ASXL3: variants seen among roughly 807,000 people sequenced by gnomAD.
ASXL3 encodes the protein ASXL transcriptional regulator 3.
Under a neutral mutation model 170.6 loss-of-function variants are expected in ASXL3, and 34 were observed. That is an observed-to-expected ratio of 0.20 (90% CI 0.15 to 0.27). The LOEUF (loss-of-function observed/expected upper bound fraction) is 0.27, where lower values mean the gene tolerates loss of function less well. ASXL3 is among the 10% of genes least tolerant of loss of function. The pLI is 1.00. For synonymous variants in ASXL3, 1,002 were observed against 989.1 expected (o/e 1.01, Z -0.24); for missense variants, 2,592 against 2,695.3 (o/e 0.96, Z 0.85).
In ASXL3 at chr18:33,739,828, C is replaced by G. The variant is rs572374272; in HGVS notation, c.2424C>G (p.Pro808=). The G allele has an allele frequency of 3.7e-6, 6 of 1,613,876 alleles. No individual in the cohort carries two copies. The highest frequency in any genetic ancestry group is 2.2e-5 in the East Asian group (1 of 44,872). ...AGCAGAAGAATCTGTCTAATACTCC[C>G]GAACCCATCATAATGAGTTCTTCTT... The part of the protein sequence containing the change: ...TSQQKNLSNT[P]EPIIMSSSSI... The change falls in exon 11 of 12, where the codon CCC becomes CCG. Residue 808 remains proline, a synonymous_variant. Coordinates refer to ENST00000269197, the MANE Select transcript of ASXL3 (RefSeq NM_030632.3).
intron 8 of ASXL3, among the ~76,000 whole-genome samples, chr18:33,721,933 T>C (rs1288437203): frequency 1.3e-5 from 2 of 152,026 alleles, no homozygotes; most frequent in Non-Finnish European, 2.9e-5. Context: ...TTTCAAGCAT[T>C]TTTATTATAA....
chr18:33,710,610 C>G (rs934178370), intron 8 of ASXL3, among the ~76,000 whole-genome samples: 1 of 152,154 alleles, frequency 6.6e-6, no homozygotes, highest in Non-Finnish European at 1.5e-5. Flanking sequence ...TTTCTAGGCA[C>G]TCTTAAATAG....
intron 7 of ASXL3, among the ~76,000 whole-genome samples, chr18:33,682,627 AC>A (rs746996286): frequency 4.6e-5 from 7 of 151,882 alleles, no homozygotes; most frequent in Non-Finnish European, 8.8e-5. Context: ...GGCTCGCTGC[AC>A]CCCTACCTCC....
intron 5 of ASXL3, among the ~76,000 whole-genome samples, chr18:33,662,991 A>G (rs1207878235): frequency 6.6e-6 from 1 of 152,126 alleles, no homozygotes; most frequent in Non-Finnish European, 1.5e-5. Context: ...ATTTCATATT[A>G]TTGACATTGC....
chr18:33,633,634 G>T, intron 2 of ASXL3, among the ~76,000 whole-genome samples: 1 of 151,964 alleles, frequency 6.6e-6, no homozygotes, highest in East Asian at 1.9e-4. Flanking sequence ...ATGAGGTCGG[G>T]AGATTGAGAC....
chr18:33,580,621 C>G (rs2064983870), intron 1 of ASXL3, among the ~76,000 whole-genome samples: 1 of 152,100 alleles, frequency 6.6e-6, no homozygotes, highest in South Asian at 2.1e-4. Flanking sequence ...CTTGAAGGTA[C>G]TGTGTTTTAT....
intron 7 of ASXL3, among the ~76,000 whole-genome samples, chr18:33,674,148 A>C (rs1192027672): frequency 6.6e-6 from 1 of 152,202 alleles, no homozygotes; most frequent in Non-Finnish European, 1.5e-5. Context: ...AGTGATACAA[A>C]CCAAGGCATA....
chr18:33,740,792 A>G (rs1009892383), intron 11 of ASXL3, among the ~76,000 whole-genome samples: 1 of 152,194 alleles, frequency 6.6e-6, no homozygotes, highest in South Asian at 2.1e-4. Context: ...TTAGTTTTCT[A>G]TAAAAGTTCT....
chr18:33,656,853 AT>A (rs2066092652), intron 4 of ASXL3, among the ~76,000 whole-genome samples: 1 of 152,156 alleles, frequency 6.6e-6, no homozygotes, highest in African/African-American at 2.4e-5. Flanking sequence ...TTCATAAAAA[AT>A]AGCTTTGCTG....
chr18:33,723,085 G>A (rs566667202), intron 8 of ASXL3, among the ~76,000 whole-genome samples: 1 of 152,284 alleles, frequency 6.6e-6, no homozygotes, highest in South Asian at 2.1e-4. Flanking sequence ...TGACAATGCA[G>A]TGGGGTCACT....
chr18:33,671,980 T>A, intron 7 of ASXL3, 114 bp downstream of exon 7: 1 of 1,160,280 alleles, frequency 8.6e-7, no homozygotes, highest in East Asian at 2.7e-5. Flanking sequence ...AATTAAAATT[T>A]CCCTCCATTT....
At chr18:33,667,489 C>CT (rs1366433336) in intron 5 of ASXL3, among the ~76,000 whole-genome samples, 2 of 152,266 alleles carry the variant, frequency 1.3e-5, no homozygotes, top group East Asian at 1.9e-4. Flanking sequence ...CTCCCTACTC[C>CT]TTTTTTCCAT....
intron 8 of ASXL3, among the ~76,000 whole-genome samples, chr18:33,693,179 G>T (rs2066713261): frequency 6.6e-6 from 1 of 152,144 alleles, no homozygotes; most frequent in Admixed American, 6.6e-5. Flanking sequence ...TGGATTTAGG[G>T]GAGAAGGAGG....
chr18:33,647,655 C>T (rs62092363), intron 4 of ASXL3, among the ~76,000 whole-genome samples: 2,714 of 152,098 alleles, frequency 0.018, 47 homozygotes, highest in Non-Finnish European at 0.026. Context: ...CCTGGGTGAG[C>T]GCTCATGTGC....
chr18:33,650,443 A>G (rs983939869), intron 4 of ASXL3, among the ~76,000 whole-genome samples: 1 of 152,112 alleles, frequency 6.6e-6, no homozygotes, highest in Non-Finnish European at 1.5e-5. Context: ...CAGAGGAACC[A>G]GTGTCCTAGC....
intron 8 of ASXL3, among the ~76,000 whole-genome samples, chr18:33,714,314 T>C (rs1433177028): frequency 2.0e-5 from 3 of 152,162 alleles, no homozygotes; most frequent in Admixed American, 6.5e-5. Context: ...AGGGCTCAAA[T>C]TGAATTCAAT....
intron 8 of ASXL3, among the ~76,000 whole-genome samples, chr18:33,697,116 T>G (rs569725791): frequency 1.3e-5 from 2 of 152,252 alleles, no homozygotes; most frequent in East Asian, 3.9e-4. Flanking sequence ...TAGAAAAGAT[T>G]TGGCAGTTTA....
intron 1 of ASXL3, among the ~76,000 whole-genome samples, chr18:33,594,423 C>G (rs1338974495): frequency 6.6e-6 from 1 of 152,142 alleles, no homozygotes; most frequent in Non-Finnish European, 1.5e-5. Flanking sequence ...CTTGTAAAAT[C>G]AGGACTAAGG....
intron 8 of ASXL3, among the ~76,000 whole-genome samples, chr18:33,713,231 T>TG (rs2067100865): frequency 1.4e-5 from 1 of 72,916 alleles, no homozygotes; most frequent in Non-Finnish European, 2.4e-5. Context: ...ACAAGAAGGT[T>TG]TTTTTTGTTT....
Sources: gnomAD v4.1 joint callset for allele counts (sites outside exome capture counted in the v4.1 genomes callset) on GRCh38, gnomAD v4.1.1 for gene constraint, MANE v1.5 for transcripts, NCBI Gene and HGNC (gene_info 2026-07-23, HGNC 2026-07-21) for gene names.